ZNF610: variants seen among roughly 807,000 people sequenced by gnomAD.
ZNF610 encodes the protein zink finger protein.
ZNF610 carries 14 observed loss-of-function variants against 14.1 expected under a neutral mutation model. The observed-to-expected ratio is 0.99, with a 90% CI of 0.65 to 1.55. ZNF610 has a LOEUF of 1.55. Among genes scored for constraint, ZNF610 ranks in the 40% most tolerant of loss-of-function variants. The pLI is 0.00. For synonymous variants in ZNF610, 185 were observed against 187.6 expected, an observed-to-expected ratio of 0.99 and a Z score of 0.11; for missense variants, 530 against 558.0, an observed-to-expected ratio of 0.95 and a Z score of 0.51.
At chr19:52,361,632 T>C (rs1985785608) in intron 5 of ZNF610, among the ~76,000 whole-genome samples, 1 of 145,050 alleles carries the variant, frequency 6.9e-6, no homozygotes, top group African/African-American at 2.5e-5. Context: ...TAAAAATTTT[T>C]TTTTTCAAAA....
At chr19:52,359,490 T>C (rs990248847) in intron 5 of ZNF610, among the ~76,000 whole-genome samples, 2 of 152,180 alleles carry the variant, frequency 1.3e-5, no homozygotes, top group African/African-American at 4.8e-5. Context: ...TTTCAATCCA[T>C]GGTTAGTTGA....
chr19:52,346,930 A>G (rs913515051), intron 1 of ZNF610, among the ~76,000 whole-genome samples: 6 of 151,860 alleles, frequency 4.0e-5, no homozygotes, highest in Admixed American at 1.3e-4. Context: ...GGGTTTCACC[A>G]TGTTGGCCAG....
Position 52,349,162 on chromosome 19 carries a change from T to A in ZNF610, c.-11T>A, listed in dbSNP as rs1985112385. On this transcript the variant is annotated 5_prime_UTR_variant, in exon 3 of 6. Coordinates refer to ENST00000403906, the MANE Select transcript of ZNF610 (RefSeq NM_001161425.2). ...GTATTTTTGACATTTAGGATTGACT[T>A]ATAAACAGTCATGCTATGTGATGAA... is the stretch of plus-strand genomic sequence containing the variant. The A allele has an allele frequency of 1.9e-6, 3 of 1,612,578 alleles. No homozygotes were observed. The highest frequency in any genetic ancestry group is 2.5e-6 in the Non-Finnish European group (3 of 1,179,092).
At chr19:52,346,942 A>G (rs1193418440) in intron 1 of ZNF610, among the ~76,000 whole-genome samples, 2 of 151,902 alleles carry the variant, frequency 1.3e-5, no homozygotes, top group Non-Finnish European at 2.9e-5. Context: ...GTTGGCCAGG[A>G]TGGTCTTGAT....
upstream of ZNF610, among the ~76,000 whole-genome samples, chr19:52,334,495 G>A (rs1395165687): frequency 6.6e-6 from 1 of 151,836 alleles, no homozygotes; most frequent in Admixed American, 6.6e-5. Context: ...CATGGGTATT[G>A]GAGTGAGACT....
rs533853220 is a variant in ZNF610 at position 52,366,127 on chromosome 19, A to G, written c.749A>G (p.His250Arg). 81 of 1,614,042 alleles carry G rather than the reference A, an allele frequency of 5.0e-5. No individual in the cohort carries two copies. The highest frequency in any genetic ancestry group is 1.8e-4 in the East Asian group (8 of 44,874). Reference protein sequence around the residue: ...VFSRNSHLVEHWRIHTGQKPY... With the variant: ...VFSRNSHLVERWRIHTGQKPY... ...AGTCGCAATTCACACCTTGTAGAAC[A>G]TTGGAGAATTCATACTGGACAGAAG... is the stretch of plus-strand genomic sequence containing the variant. The change falls in exon 6 of 6, where the codon CAT becomes CGT. Residue 250 changes from histidine to arginine, a missense_variant. Transcript: ENST00000403906.
rs944774853 is a variant in ZNF610, at chr19:52,347,756, C to T, written c.-208C>T. 6.6e-6 allele frequency: 1 copy of T among 152,150 alleles called. No homozygotes were observed. Among genetic ancestry groups the T allele is most frequent in the African/African-American group, 2.4e-5 (1 of 41,448 alleles). 9.4% of individuals were successfully genotyped at this position (152,150 alleles called of 1,614,324 possible). ...CAAACTGGTCTCGAAATTCTGGAGT[C>T]AAGCAGTCTGCCTGCCTCGTTCTCC... On this transcript the variant is annotated 5_prime_UTR_variant, in exon 2 of 6. It introduces an in-frame stop codon into an upstream open reading frame of the 5' UTR. Transcript: ENST00000403906.
upstream of ZNF610, among the ~76,000 whole-genome samples, chr19:52,334,056 T>C (rs961013048): frequency 1.3e-5 from 2 of 152,198 alleles, no homozygotes; most frequent in African/African-American, 4.8e-5. Context: ...AAGTTGATGG[T>C]AGTATATCAA....
chr19:52,349,100 A>G, intron 2 of ZNF610, 54 bp from the exon 3 acceptor site: 1 of 1,314,376 alleles, frequency 7.6e-7, no homozygotes, highest in South Asian at 1.2e-5. Context: ...GTTGTGGCAT[A>G]GGGAGGGGAA....
intron 5 of ZNF610, among the ~76,000 whole-genome samples, chr19:52,356,712 T>TATTTGCCAAAAAATATACA (rs1600237394): frequency 1.3e-5 from 2 of 152,230 alleles, no homozygotes; most frequent in African/African-American, 4.8e-5. Context: ...CAATTAAATG[T>TATTTGCCAAAAAATATACA]ATTACAGTGT....
chr19:52,361,089 T>C lies in ZNF610; in HGVS notation c.320-4609T>C, dbSNP rs2263900. Among the ~76,000 whole-genome samples the C allele has an allele frequency of 4.5e-3, 683 of 152,326 alleles. 12 individuals carry two copies. In the East Asian group the frequency reaches 0.072, roughly 16 times the overall value. ...TCTCCTTATTTGTTACTCGTCTTAG[T>C]GTTTCTACTTCTTCATGAGTAAGTC... On this transcript the variant is annotated intron_variant, in intron 5 of 5. Transcript: ENST00000403906.
rs1984754695 is a variant in ZNF610 at position 52,342,916 on chromosome 19, TCTCTGCCCACACC to T, written c.-257-4786_-257-4774del. On this transcript the variant is annotated intron_variant, in intron 1 of 5. Transcript: ENST00000403906. ...CACAATTTAGTCCTTAAACCTGTTC[TCTCTGCCCACACC>T]CTCTACCTTTCCTTATGATCTCGTC... Among the ~76,000 whole-genome samples, 8 of 152,184 alleles carry T rather than the reference TCTCTGCCCACACC, an allele frequency of 5.3e-5. No homozygotes were observed. In the South Asian group the frequency reaches 1.7e-3, roughly 32 times the overall value.
chr19:52,331,128 A>G, the ZNF610 span, among the ~76,000 whole-genome samples: 4 of 152,186 alleles, frequency 2.6e-5, no homozygotes, highest in African/African-American at 7.2e-5. Flanking sequence ...GGATTTTTAT[A>G]GCTGAGAAAC....
upstream of ZNF610, among the ~76,000 whole-genome samples, chr19:52,332,069 C>T (rs528873340): frequency 3.9e-5 from 6 of 152,278 alleles, no homozygotes; most frequent in African/African-American, 9.6e-5. The surrounding 1 kb of genome is among the most constrained non-coding windows in gnomAD (Gnocchi z 4.1). Context: ...ACAAGGACCC[C>T]GGGACGAGTC....
chr19:52,348,011 A>G (rs567289772), intron 2 of ZNF610, 67 bp downstream of exon 2: 2 of 152,252 alleles, frequency 1.3e-5, no homozygotes, highest in Admixed American at 1.3e-4. Flanking sequence ...TACCTTTTCT[A>G]TGTCGAGACA....
At position 52,353,799 on chromosome 19, in the gene ZNF610, G is replaced by GAA; in HGVS notation, c.181_182insAA (p.Val61GlufsTer11). The GAA allele has an allele frequency of 6.2e-7, 1 of 1,611,732 alleles. No homozygotes were observed. ...GATGTTGGAGAACTACAGGAACCTG[G>GAA]TCTTTCTGGGTGAGGATGACTTCCC... is the stretch of plus-strand genomic sequence containing the variant. On this transcript the variant is annotated frameshift_variant, in exon 4 of 6. Transcript: ENST00000403906. LOFTEE classifies it high-confidence loss of function.
At chr19:52,334,715 G>A (rs1392264021), upstream of ZNF610, among the ~76,000 whole-genome samples, 1 of 151,986 alleles carries the variant, frequency 6.6e-6, no homozygotes, top group Non-Finnish European at 1.5e-5. Context: ...AATCACCTGA[G>A]GTCAGGAGTT....
chr19:52,349,046 C>CA (rs1247138887), intron 2 of ZNF610, 108 bp from the exon 3 acceptor site: 2 of 728,732 alleles, frequency 2.7e-6, no homozygotes, highest in Non-Finnish European at 4.6e-6. Context: ...CAGTGGGCAA[C>CA]AGAGGACATC....
chr19:52,366,411 A>C lies in ZNF610; in HGVS notation c.1033A>C (p.Lys345Gln). The C allele has an allele frequency of 6.2e-7, 1 of 1,614,182 alleles. No homozygotes were observed. Among genetic ancestry groups the C allele is most frequent in the Non-Finnish European group, 8.5e-7 (1 of 1,180,036 alleles). The change falls in exon 6 of 6, where the codon AAA (lysine) becomes CAA (glutamine). Residue 345 changes from lysine (K) to glutamine (Q), a missense_variant. Transcript: ENST00000403906. ...QRSHTAEKPY[K>Q]CNECGKVFSL... is the part of the protein sequence containing the mutation. ...AAGTCACACGGCGGAAAAACCTTAC[A>C]AATGTAATGAATGTGGCAAGGTCTT...
Sources: gnomAD v4.1 joint callset for allele counts (sites outside exome capture counted in the v4.1 genomes callset) on GRCh38, gnomAD v4.1.1 for gene constraint, Gnocchi (gnomAD v3.1) non-coding constraint, MANE v1.5 for transcripts, NCBI Gene and HGNC (gene_info 2026-07-23, HGNC 2026-07-21) for gene names.